The following HERC1 variants were observed in gnomAD, a reference collection of about 807,000 sequenced individuals.
HERC1 encodes HECT and RLD domain containing E3 ubiquitin protein ligase family member 1, also known as probable E3 ubiquitin-protein ligase HERC1.
Under a neutral mutation model 554.3 loss-of-function variants are expected in HERC1, and 160 were observed. The ratio of observed to expected loss-of-function variants is 0.29; its 90% CI spans 0.25 to 0.33. HERC1 has a LOEUF of 0.33. Ranked by LOEUF, HERC1 falls within the 10% of genes least tolerant of loss-of-function variation. The pLI is 1.00. For missense variants in HERC1, 4,919 were observed against 5,918.5 expected (o/e 0.83, Z 5.54); for synonymous variants, 2,175 against 2,131.7 (o/e 1.02, Z -0.56).
intron 1 of HERC1, among the ~76,000 whole-genome samples, chr15:63,801,738 A>G (rs1378878578): frequency 6.6e-6 from 1 of 152,222 alleles, no homozygotes; most frequent in Non-Finnish European, 1.5e-5. Flanking sequence ...TAATGTGAGC[A>G]AGTGCAAGTG....
chr15:63,655,912 T>A lies in HERC1; in HGVS notation c.9914A>T (p.Asp3305Val). ...TAGAAACTTTCGCTGAATTGAGTCA[T>A]CAACTGTGGTTAGATTTACACCTGT... ...AATGVNLTTV[D>V]DSIQRKFLPS... The change falls in exon 50 of 78, where the codon GAT (aspartate) becomes GTT (valine). Residue 3305 changes from aspartate to valine, a missense_variant. By Grantham distance (152) the Asp-to-Val change is radical. Transcript: ENST00000443617. The A allele has an allele frequency of 6.2e-7, 1 of 1,613,108 alleles. No individual in the cohort carries two copies. Among genetic ancestry groups the A allele is most frequent in the Non-Finnish European group, 8.5e-7 (1 of 1,179,552 alleles).
intron 30 of HERC1, among the ~76,000 whole-genome samples, chr15:63,693,758 G>A (rs1031868060): frequency 1.1e-4 from 16 of 152,168 alleles, no homozygotes; most frequent in African/African-American, 3.6e-4. Context: ...GTCACAACAT[G>A]AGGGTTAACA....
chr15:63,806,118 A>G (rs976162759), intron 1 of HERC1, among the ~76,000 whole-genome samples: 1 of 151,720 alleles, frequency 6.6e-6, no homozygotes, highest in African/African-American at 2.4e-5. Flanking sequence ...ATCACTACAG[A>G]TACCTCCCAA....
chr15:63,754,438 T>A (rs887238466), intron 7 of HERC1, 67 bp downstream of exon 7: 2 of 1,378,680 alleles, frequency 1.5e-6, no homozygotes, highest in African/African-American at 2.9e-5. Flanking sequence ...CATATATAAC[T>A]GAAAAATAAA....
chr15:63,654,088 G>C (rs1259859431), intron 51 of HERC1, 31 bp downstream of exon 51: 1 of 1,535,064 alleles, frequency 6.5e-7, no homozygotes, highest in Non-Finnish European at 9.0e-7. Context: ...TACATAACGT[G>C]ATTAACACAC....
At chr15:63,619,989 C>T (rs1460477758) in intron 74 of HERC1, among the ~76,000 whole-genome samples, 1 of 151,980 alleles carries the variant, frequency 6.6e-6, no homozygotes, top group South Asian at 2.1e-4. Flanking sequence ...GTGTCTCTAT[C>T]TCCTTCAGTT....
At chr15:63,830,254 C>T (rs2146142619) in intron 1 of HERC1, among the ~76,000 whole-genome samples, 1 of 152,290 alleles carries the variant, frequency 6.6e-6, no homozygotes, top group Admixed American at 6.5e-5. Context: ...AGCAAAAAGA[C>T]ATGTCAACAC....
At chr15:63,687,794 A>G (rs917479674) in intron 33 of HERC1, among the ~76,000 whole-genome samples, 2 of 152,148 alleles carry the variant, frequency 1.3e-5, no homozygotes, top group Non-Finnish European at 2.9e-5. Context: ...TTGATTAGGG[A>G]AGGCCTCTCT....
intron 74 of HERC1, among the ~76,000 whole-genome samples, chr15:63,620,914 T>C (rs1468036312): frequency 1.3e-5 from 2 of 152,210 alleles, no homozygotes; most frequent in Admixed American, 6.5e-5. Flanking sequence ...GTTTCCTGAA[T>C]GCAGCACACT....
At chr15:63,649,136 C>G (rs1331069465) in intron 54 of HERC1, among the ~76,000 whole-genome samples, 1 of 152,132 alleles carries the variant, frequency 6.6e-6, no homozygotes, top group African/African-American at 2.4e-5. Flanking sequence ...GGGCGGATCA[C>G]AAGGTGAGGA....
At chr15:63,757,403 T>C (rs772057751) in intron 4 of HERC1, among the ~76,000 whole-genome samples, 1 of 151,660 alleles carries the variant, frequency 6.6e-6, no homozygotes, top group African/African-American at 2.4e-5. Context: ...CATGAGATTA[T>C]AGGCACGCGC....
chr15:63,619,120 T>C (rs2067954407), intron 74 of HERC1, among the ~76,000 whole-genome samples: 1 of 152,228 alleles, frequency 6.6e-6, no homozygotes, highest in Non-Finnish European at 1.5e-5. Context: ...CAGTATGATA[T>C]TGGCTGTGGG....
intron 62 of HERC1, 67 bp from the exon 63 acceptor site, chr15:63,638,603 C>A (rs2068890441): frequency 6.2e-7 from 1 of 1,606,442 alleles, no homozygotes; most frequent in Non-Finnish European, 8.5e-7. Context: ...TACTACGTAC[C>A]AAGTGTGTGC....
At chr15:63,789,549 G>A (rs1410379873) in intron 1 of HERC1, among the ~76,000 whole-genome samples, 2 of 151,678 alleles carry the variant, frequency 1.3e-5, no homozygotes, top group South Asian at 2.1e-4. Context: ...TGTGATCCCC[G>A]CACTTCGGAA....
intron 76 of HERC1, among the ~76,000 whole-genome samples, chr15:63,615,273 G>C (rs1053164848): frequency 6.6e-6 from 1 of 152,176 alleles, no homozygotes; most frequent in African/African-American, 2.4e-5. Context: ...TGGGTATGGA[G>C]AAAAAGGCCT....
At chr15:63,821,641 A>G (rs1596326343) in intron 1 of HERC1, among the ~76,000 whole-genome samples, 1 of 145,252 alleles carries the variant, frequency 6.9e-6, no homozygotes, top group Non-Finnish European at 1.5e-5. Flanking sequence ...TGGGAGGATC[A>G]CCTGAGTCTT....
At chr15:63,651,784 A>T (rs2069696740) in intron 52 of HERC1, among the ~76,000 whole-genome samples, 1 of 152,210 alleles carries the variant, frequency 6.6e-6, no homozygotes, top group African/African-American at 2.4e-5. Flanking sequence ...CACATCTGTA[A>T]TCCCAGCATT....
At chr15:63,720,821 ACACT>A (rs1308583803) in intron 19 of HERC1, among the ~76,000 whole-genome samples, 10 of 152,290 alleles carry the variant, frequency 6.6e-5, no homozygotes, top group East Asian at 1.9e-4. Context: ...AACTAAAGTA[ACACT>A]CTTTGTTGTG....
At position 63,790,455 on chromosome 15, in the gene HERC1, G is replaced by A. The variant is rs193030023; in HGVS notation, c.-26-14806C>T. 3.1e-3 allele frequency among the ~76,000 whole-genome samples: 468 copies of A among 152,014 alleles called. 2 individuals carry two copies. Among genetic ancestry groups the A allele is most frequent in the East Asian group, 0.016 (84 of 5,176 alleles). On this transcript the variant is annotated intron_variant, in intron 1 of 77. Transcript: ENST00000443617. Reference sequence around the variant, plus strand: ...AGCCGGGGGTAGTGGCGGGCGCCTTGTAGTCCCAGCTACTTGGGAAGCTGA... The same window carrying A: ...AGCCGGGGGTAGTGGCGGGCGCCTTATAGTCCCAGCTACTTGGGAAGCTGA...
Sources: gnomAD v4.1 joint callset for allele counts (sites outside exome capture counted in the v4.1 genomes callset) on GRCh38, gnomAD v4.1.1 for gene constraint, MANE v1.5 for transcripts, NCBI Gene and HGNC (gene_info 2026-07-23, HGNC 2026-07-21) for gene names.